The following BMP7 variants were observed in gnomAD, a reference collection of about 807,000 sequenced individuals.
The protein encoded by BMP7 is bone morphogenetic protein 7.
A neutral mutation model predicts 41.2 loss-of-function variants in BMP7; 12 were observed. The observed-to-expected ratio is 0.29, with a 90% CI of 0.19 to 0.47. The LOEUF is 0.47. Ranked by LOEUF, BMP7 falls within the 20% of genes least tolerant of loss-of-function variation. BMP7 has a pLI of 0.99. For synonymous variants in BMP7, 248 were observed against 250.0 expected (o/e 0.99, Z 0.07); for missense variants, 467 against 606.0 (o/e 0.77, Z 2.41).
chr20:57,176,004 A>G (rs891856067), intron 4 of BMP7, among the ~76,000 whole-genome samples: 2 of 152,230 alleles, frequency 1.3e-5, no homozygotes, highest in Non-Finnish European at 2.9e-5. Context: ...GAGGCTTTGT[A>G]AAGTCACTAT....
At chr20:57,257,824 C>CAAA (rs139904463) in intron 1 of BMP7, among the ~76,000 whole-genome samples, 2,230 of 103,112 alleles carry the variant, frequency 0.022, 47 homozygotes, top group African/African-American at 0.067. Flanking sequence ...CACAAGCCAC[C>CAAA]AAAAAAAAAA....
intron 3 of BMP7, among the ~76,000 whole-genome samples, chr20:57,198,282 G>T (rs1984549585): frequency 6.6e-6 from 1 of 151,924 alleles, no homozygotes; most frequent in South Asian, 2.1e-4. Flanking sequence ...TCTGGGCAGT[G>T]CTAGATTCAC....
At chr20:57,216,690 A>G (rs1446295268) in intron 2 of BMP7, among the ~76,000 whole-genome samples, 1 of 152,118 alleles carries the variant, frequency 6.6e-6, no homozygotes, top group African/African-American at 2.4e-5. Flanking sequence ...TGGGTCAGAG[A>G]AAGTTCCCCG....
At chr20:57,218,332 G>T (rs964545296) in intron 2 of BMP7, among the ~76,000 whole-genome samples, 5 of 152,208 alleles carry the variant, frequency 3.3e-5, no homozygotes, top group Non-Finnish European at 7.3e-5. Flanking sequence ...ATTTCCAGGA[G>T]GTTCTGACAA....
chr20:57,229,754 A>G (rs1294829711), intron 1 of BMP7, among the ~76,000 whole-genome samples: 1 of 152,256 alleles, frequency 6.6e-6, no homozygotes. Context: ...AAATACGATC[A>G]GCAATCTTCA....
At chr20:57,179,518 C>T (rs1173712337) in intron 4 of BMP7, among the ~76,000 whole-genome samples, 3 of 152,248 alleles carry the variant, frequency 2.0e-5, no homozygotes, top group East Asian at 1.9e-4. Flanking sequence ...CTGAAGAGCA[C>T]GTGAAGCCCC....
At chr20:57,199,873 C>T (rs75444453) in intron 3 of BMP7, among the ~76,000 whole-genome samples, 9,520 of 152,276 alleles carry the variant, frequency 0.063, 761 homozygotes, top group African/African-American at 0.18. Flanking sequence ...GGCGGTGGCA[C>T]CACACCCGGC....
chr20:57,195,187 G>A (rs1222325026), intron 3 of BMP7, among the ~76,000 whole-genome samples: 1 of 152,212 alleles, frequency 6.6e-6, no homozygotes, highest in Non-Finnish European at 1.5e-5. Flanking sequence ...AGGGAGCACA[G>A]TGAGGCCCCT....
At chr20:57,233,258 C>A (rs1242113551) in intron 1 of BMP7, among the ~76,000 whole-genome samples, 1 of 152,028 alleles carries the variant, frequency 6.6e-6, no homozygotes, top group East Asian at 1.9e-4. Flanking sequence ...CATCCCAGCA[C>A]CCCAAGGGCT....
In BMP7 at chr20:57,261,538, A is replaced by C. The variant is rs556085582; in HGVS notation, c.418+4167T>G. 1.3e-5 allele frequency among the ~76,000 whole-genome samples: 2 copies of C among 152,384 alleles called. No homozygotes were observed. The highest frequency in any genetic ancestry group is 2.9e-5 in the Non-Finnish European group (2 of 68,042). On this transcript the variant is annotated intron_variant, in intron 1 of 6. Coordinates refer to ENST00000395863, the MANE Select transcript of BMP7 (RefSeq NM_001719.3). The surrounding 1 kb of genome is among the most constrained non-coding windows in gnomAD (Gnocchi z 4.1). ...GTGGAGGAAAATCTTTGATTTATAT[A>C]AGCAGGAAAATGAGGTTTAAAAGAA...
chr20:57,202,455 G>T lies in BMP7; in HGVS notation c.760+20C>A. 6.2e-7 allele frequency: 1 copy of T among 1,601,102 alleles called. No individual in the cohort carries two copies. Among genetic ancestry groups the T allele is most frequent in the Non-Finnish European group, 8.5e-7 (1 of 1,179,430 alleles). On this transcript the variant is annotated intron_variant, in intron 3 of 6. Transcript: ENST00000395863. The stretch of plus-strand genomic sequence containing the variant: ...AGGAGCACAGGCTGCATTAGGACTG[G>T]CAGTGGCCGGGGGACTCACCATCCA...
At chr20:57,234,183 GACCCTCTTCT>G (rs1371632077) in intron 1 of BMP7, among the ~76,000 whole-genome samples, 3 of 152,158 alleles carry the variant, frequency 2.0e-5, no homozygotes, top group Non-Finnish European at 4.4e-5. Flanking sequence ...CTTGTTCCAT[GACCCTCTTCT>G]CCCCAGTTGA....
chr20:57,222,179 G>A (rs73914171), intron 2 of BMP7, among the ~76,000 whole-genome samples: 2,755 of 152,244 alleles, frequency 0.018, 73 homozygotes, highest in African/African-American at 0.064. Flanking sequence ...GCCCCCGCCC[G>A]CCGCAAACAC....
intron 1 of BMP7, among the ~76,000 whole-genome samples, chr20:57,230,512 G>T (rs906304793): frequency 1.3e-5 from 2 of 151,598 alleles, no homozygotes; most frequent in East Asian, 4.0e-4. Context: ...GGTAGGTGAG[G>T]CATGCACCTG....
intron 2 of BMP7, among the ~76,000 whole-genome samples, chr20:57,211,577 A>T (rs1901249650): frequency 1.4e-5 from 2 of 146,106 alleles, no homozygotes; most frequent in Admixed American, 1.3e-4. Context: ...AGCAGCAGGG[A>T]CTTTGCAGAT....
rs1287192198 is a variant in BMP7, at chr20:57,228,226, C to T, written c.611+3G>A. On this transcript the variant is annotated splice_donor_region_variant and intron_variant, in intron 2 of 6. Coordinates refer to ENST00000395863, the MANE Select transcript of BMP7 (RefSeq NM_001719.3). The surrounding 1 kb of genome is among the most constrained non-coding windows in gnomAD (Gnocchi z 4.5). ...CTCTCCCAGATACCCGTATAGCACC[C>T]ACCTGCCCAAGTGCTCCTGGAGCAC... 6.2e-7 allele frequency: 1 copy of T among 1,613,194 alleles called. No homozygotes were observed.
chr20:57,198,126 CCTCCT>C (rs1338618573), intron 3 of BMP7, among the ~76,000 whole-genome samples: 3 of 143,680 alleles, frequency 2.1e-5, no homozygotes, highest in Non-Finnish European at 3.1e-5. Flanking sequence ...TCTCCTCTCC[CCTCCT>C]CTCCTCTCGC....
intron 4 of BMP7, among the ~76,000 whole-genome samples, chr20:57,178,698 C>T (rs909298620): frequency 3.1e-4 from 47 of 152,144 alleles, no homozygotes; most frequent in African/African-American, 1.1e-3. Flanking sequence ...TCCCTCTTCC[C>T]TGTGGGGGGG....
chr20:57,179,733 T>G (rs747163352), intron 4 of BMP7, among the ~76,000 whole-genome samples: 9 of 152,248 alleles, frequency 5.9e-5, no homozygotes, highest in Non-Finnish European at 1.2e-4. Flanking sequence ...GACTCTGGCC[T>G]AAGCCTAGGG....
Sources: allele counts gnomAD v4.1 joint callset (sites outside exome capture counted in the v4.1 genomes callset), GRCh38; gene constraint gnomAD v4.1.1; non-coding constraint Gnocchi (gnomAD v3.1); transcripts MANE v1.5; gene names NCBI Gene and HGNC (gene_info 2026-07-23, HGNC 2026-07-21).